NAALADL2: variants seen among roughly 807,000 people sequenced by gnomAD.
NAALADL2 encodes the protein N-acetylated alpha-linked acidic dipeptidase like 2, also known as inactive N-acetylated-alpha-linked acidic dipeptidase-like protein 2.
NAALADL2 carries 76 observed loss-of-function variants against 87.2 expected under a neutral mutation model. The observed-to-expected ratio is 0.87, with a 90% confidence interval of 0.72 to 1.05. The LOEUF (loss-of-function observed/expected upper bound fraction) is 1.05. Among genes scored for constraint, NAALADL2 ranks in the 50% least tolerant of loss-of-function variants. The pLI, the probability that NAALADL2 is intolerant of heterozygous loss-of-function variation, is 0.00. For missense variants in NAALADL2, 1,089 were observed against 945.8 expected, an observed-to-expected ratio of 1.15 and a Z score of -1.99; for synonymous variants, 354 against 331.0, an observed-to-expected ratio of 1.07 and a Z score of -0.75.
intron 2 of NAALADL2, among the ~76,000 whole-genome samples, chr3:174,709,176 G>C (rs927222609): frequency 3.9e-5 from 6 of 152,066 alleles, no homozygotes; most frequent in Non-Finnish European, 5.9e-5. Context: ...AGGAATATTA[G>C]TAGAATAGAA....
At chr3:174,655,654 A>C (rs1724842756) in intron 2 of NAALADL2, among the ~76,000 whole-genome samples, 1 of 152,168 alleles carries the variant, frequency 6.6e-6, no homozygotes, top group South Asian at 2.1e-4. Flanking sequence ...AAGTTTCTAT[A>C]ATTTTATTTA....
chr3:174,795,927 C>G (rs1718030915), intron 3 of NAALADL2, among the ~76,000 whole-genome samples: 1 of 152,176 alleles, frequency 6.6e-6, no homozygotes, highest in Admixed American at 6.6e-5. Context: ...TCTGCATACA[C>G]ATTTTTTGTT....
At chr3:174,967,371 C>CAA (rs58590340) in intron 1 of NAALADL2, among the ~76,000 whole-genome samples, 301 of 126,328 alleles carry the variant, frequency 2.4e-3, no homozygotes, top group African/African-American at 8.0e-3. Flanking sequence ...TGGTGGATTG[C>CAA]AAAAAAAAAA....
At chr3:175,576,007 A>T in intron 9 of NAALADL2, 34 bp from the exon 10 acceptor site, 1 of 1,570,002 alleles carries the variant, frequency 6.4e-7, no homozygotes. Flanking sequence ...TGGGAAGCAT[A>T]GTATGTGTTA....
chr3:175,753,620 CTG>C (rs1331462803), intron 12 of NAALADL2, among the ~76,000 whole-genome samples: 1 of 152,206 alleles, frequency 6.6e-6, no homozygotes, highest in East Asian at 1.9e-4. Flanking sequence ...TATCACCTCT[CTG>C]TAATTTTTCT....
At chr3:175,771,638 C>T (rs955823139) in intron 13 of NAALADL2, among the ~76,000 whole-genome samples, 1 of 152,086 alleles carries the variant, frequency 6.6e-6, no homozygotes, top group Non-Finnish European at 1.5e-5. Context: ...ATGGCCTTCT[C>T]GTCTTTGTGT....
chr3:175,791,383 G>C (rs558574726), intron 13 of NAALADL2, among the ~76,000 whole-genome samples: 1 of 152,258 alleles, frequency 6.6e-6, no homozygotes, highest in East Asian at 1.9e-4. Flanking sequence ...GGTGAATCAG[G>C]GTCCAGATAT....
intron 2 of NAALADL2, among the ~76,000 whole-genome samples, chr3:175,153,558 C>T (rs1731868889): frequency 2.0e-5 from 3 of 152,208 alleles, no homozygotes; most frequent in South Asian, 2.1e-4. Context: ...ACTTTTCCCA[C>T]ATTATAAACC....
chr3:174,735,277 T>G (rs1472310704), intron 2 of NAALADL2, among the ~76,000 whole-genome samples: 1 of 152,246 alleles, frequency 6.6e-6, no homozygotes, highest in Non-Finnish European at 1.5e-5. Flanking sequence ...AGTCATTTAT[T>G]GAGCACCTAA....
chr3:175,257,440 C>G (rs1205692593), intron 4 of NAALADL2, among the ~76,000 whole-genome samples: 1 of 151,586 alleles, frequency 6.6e-6, no homozygotes, highest in Non-Finnish European at 1.5e-5. Context: ...ATTAGATGGG[C>G]CAGAATTTTA....
chr3:175,509,530 T>C (rs1329140664), intron 9 of NAALADL2, among the ~76,000 whole-genome samples: 1 of 152,250 alleles, frequency 6.6e-6, no homozygotes, highest in Non-Finnish European at 1.5e-5. Context: ...GTGTATATTA[T>C]AAACAGCTCT....
At chr3:174,845,588 G>A (rs1724530708) in intron 3 of NAALADL2, among the ~76,000 whole-genome samples, 1 of 152,226 alleles carries the variant, frequency 6.6e-6, no homozygotes, top group African/African-American at 2.4e-5. Flanking sequence ...CCTCCATGCA[G>A]GTTTTCAGCC....
chr3:174,766,278 C>T (rs1028919938), intron 3 of NAALADL2, among the ~76,000 whole-genome samples: 9 of 152,138 alleles, frequency 5.9e-5, no homozygotes, highest in South Asian at 4.1e-4. Context: ...TGTTGACCCA[C>T]GAGGCATGGA....
At chr3:174,769,415 C>T (rs906673183) in intron 3 of NAALADL2, among the ~76,000 whole-genome samples, 13 of 151,920 alleles carry the variant, frequency 8.6e-5, no homozygotes, top group Non-Finnish European at 1.9e-4. Context: ...GTGAGGAATT[C>T]AGTTACACAT....
At chr3:175,394,022 T>C (rs1394885870) in intron 5 of NAALADL2, among the ~76,000 whole-genome samples, 1 of 151,958 alleles carries the variant, frequency 6.6e-6, no homozygotes, top group South Asian at 2.1e-4. Flanking sequence ...AATTTACATA[T>C]TTGCAGAAAA....
At chr3:174,857,963 C>G (rs1726038829), upstream of NAALADL2, among the ~76,000 whole-genome samples, 1 of 151,526 alleles carries the variant, frequency 6.6e-6, no homozygotes, top group African/African-American at 2.4e-5. Context: ...CTTATATAGT[C>G]AATTTTTACA....
chr3:175,056,639 A>G (rs1712250007), intron 1 of NAALADL2, among the ~76,000 whole-genome samples: 1 of 152,212 alleles, frequency 6.6e-6, no homozygotes, highest in Admixed American at 6.5e-5. Flanking sequence ...AGAGCTTCCA[A>G]CAGAGATTTA....
chr3:174,643,656 A>G (rs1201311714), intron 2 of NAALADL2, among the ~76,000 whole-genome samples: 1 of 152,170 alleles, frequency 6.6e-6, no homozygotes, highest in African/African-American at 2.4e-5. Flanking sequence ...TCCCTCTCAA[A>G]AAAATTTCCA....
intron 5 of NAALADL2, among the ~76,000 whole-genome samples, chr3:175,407,931 G>C (rs1474969236): frequency 6.6e-6 from 1 of 152,158 alleles, no homozygotes; most frequent in Non-Finnish European, 1.5e-5. Context: ...ATTATAAGAT[G>C]ATATTTTTGT....
Sources: allele counts gnomAD v4.1 joint callset (sites outside exome capture counted in the v4.1 genomes callset), GRCh38; gene constraint gnomAD v4.1.1; transcripts MANE v1.5; gene names NCBI Gene and HGNC (gene_info 2026-07-23, HGNC 2026-07-21).